The following GNG4 variants were observed in gnomAD, a reference collection of about 807,000 sequenced individuals.
GNG4 encodes the protein guanine nucleotide-binding protein G(I)/G(S)/G(O) subunit gamma-4.
GNG4 carries 4 observed loss-of-function variants against 5.8 expected under a neutral mutation model. That is an observed-to-expected ratio of 0.69 (90% CI 0.34 to 1.57). The LOEUF is 1.57. GNG4 is among the 40% of genes most tolerant of loss of function. GNG4 has a pLI of 0.06. For synonymous variants in GNG4, 29 were observed against 32.9 expected (o/e 0.88, Z 0.41); for missense variants, 96 against 95.1 (o/e 1.01, Z -0.04).
intron 3 of GNG4, among the ~76,000 whole-genome samples, chr1:235,582,267 G>A (rs1687656080): frequency 6.6e-6 from 1 of 152,106 alleles, no homozygotes; most frequent in African/African-American, 2.4e-5. Context: ...TCACCTCATG[G>A]CTGTGGCTTC....
At chr1:235,553,381 C>T (rs937357163) in intron 3 of GNG4, among the ~76,000 whole-genome samples, 2 of 152,096 alleles carry the variant, frequency 1.3e-5, no homozygotes, top group African/African-American at 4.8e-5. Flanking sequence ...TATTTATTAG[C>T]GGATTACAGG....
intron 1 of GNG4, among the ~76,000 whole-genome samples, chr1:235,596,209 T>G (rs58186840): frequency 7.5e-6 from 1 of 133,480 alleles, no homozygotes; most frequent in Non-Finnish European, 1.6e-5. Context: ...ACAAACAAAA[T>G]ACACACACAC....
chr1:235,650,043 C>G (rs1201353013), upstream of GNG4: 3 of 151,022 alleles, frequency 2.0e-5, no homozygotes, highest in Non-Finnish European at 3.0e-5. Context: ...CCCGGGAAAT[C>G]CCGCCCGCTG....
At chr1:235,598,130 C>T (rs1688168244) in intron 1 of GNG4, among the ~76,000 whole-genome samples, 1 of 152,096 alleles carries the variant, frequency 6.6e-6, no homozygotes. Context: ...CCATCGGTTC[C>T]CCAAATTTGG....
chr1:235,603,215 G>T (rs1688291543), intron 1 of GNG4, among the ~76,000 whole-genome samples: 1 of 151,736 alleles, frequency 6.6e-6, no homozygotes, highest in Non-Finnish European at 1.5e-5. Context: ...TTGCACTCCA[G>T]CCTGGACAAC....
At chr1:235,629,896 G>A (rs1688897914) in intron 1 of GNG4, among the ~76,000 whole-genome samples, 1 of 152,224 alleles carries the variant, frequency 6.6e-6, no homozygotes, top group South Asian at 2.1e-4. Context: ...CTGGCTCAAA[G>A]CTTTCTTGAG....
chr1:235,645,797 C>CAAAAAAAA (rs6143682), intron 1 of GNG4, among the ~76,000 whole-genome samples: 6 of 90,384 alleles, frequency 6.6e-5, no homozygotes, highest in African/African-American at 2.0e-4. Flanking sequence ...AACTCAGTCT[C>CAAAAAAAA]AAAAAAAAAA....
intron 3 of GNG4, among the ~76,000 whole-genome samples, chr1:235,567,225 C>T (rs921767191): frequency 1.3e-5 from 2 of 152,088 alleles, no homozygotes; most frequent in Non-Finnish European, 2.9e-5. Context: ...TGAGCCACTG[C>T]ACCCGGCATA....
chr1:235,569,601 C>T (rs1209209021), intron 3 of GNG4, among the ~76,000 whole-genome samples: 1 of 151,718 alleles, frequency 6.6e-6, no homozygotes, highest in Non-Finnish European at 1.5e-5. Context: ...ACGATCTTGG[C>T]TCACTAGATT....
At chr1:235,631,731 C>A (rs745982196) in intron 1 of GNG4, among the ~76,000 whole-genome samples, 5 of 150,976 alleles carry the variant, frequency 3.3e-5, no homozygotes, top group Admixed American at 1.3e-4. Flanking sequence ...CCACGCCCAG[C>A]CAATTTTTGT....
intron 3 of GNG4, among the ~76,000 whole-genome samples, chr1:235,575,400 G>C (rs1687453724): frequency 1.3e-5 from 2 of 152,144 alleles, no homozygotes; most frequent in Non-Finnish European, 2.9e-5. Flanking sequence ...CAGTTCTCCT[G>C]CGTTTCTTGG....
intron 1 of GNG4, among the ~76,000 whole-genome samples, chr1:235,619,678 T>C (rs1688667822): frequency 6.6e-6 from 1 of 152,216 alleles, no homozygotes; most frequent in South Asian, 2.1e-4. Context: ...TCTAACTTTT[T>C]ATATTATCTT....
At chr1:235,598,203 C>T (rs762751890) in intron 1 of GNG4, among the ~76,000 whole-genome samples, 1 of 152,220 alleles carries the variant, frequency 6.6e-6, no homozygotes. Flanking sequence ...ACCTCCATGA[C>T]CTTAGAGTTC....
intron 3 of GNG4, among the ~76,000 whole-genome samples, chr1:235,562,134 T>C (rs933238213): frequency 6.6e-6 from 1 of 152,172 alleles, no homozygotes; most frequent in Admixed American, 6.5e-5. Flanking sequence ...TGGGTCTATT[T>C]TGGGGCTCTC....
rs556518233 is a variant in GNG4 at position 235,597,573 on chromosome 1, T to A, written c.-122-2062A>T. On this transcript the variant is annotated intron_variant, in intron 1 of 3. Transcript: ENST00000391854. ...TGCTTTATGTTTTAGTTTGTTTTTT[T>A]TTTTAACTTGTTTGCTGTGTGTGTG... Among the ~76,000 whole-genome samples, 8 of 149,502 alleles carry A rather than the reference T, an allele frequency of 5.4e-5. No homozygotes were observed. The South Asian group carries it at 1.7e-3, about 32-fold the overall frequency.
At chr1:235,594,751 G>A (rs1019628129) in intron 2 of GNG4, among the ~76,000 whole-genome samples, 4 of 152,004 alleles carry the variant, frequency 2.6e-5, no homozygotes, top group South Asian at 2.1e-4. Context: ...CCCAGTTCCC[G>A]CCCGTGCCTC....
intron 3 of GNG4, chr1:235,566,183 G>C (rs1687189943): frequency 6.6e-6 from 1 of 152,266 alleles, no homozygotes; most frequent in East Asian, 1.9e-4. Flanking sequence ...AATCGTGAGT[G>C]TTCTGTCTTT....
At chr1:235,598,282 G>C (rs1004670061) in intron 1 of GNG4, among the ~76,000 whole-genome samples, 1 of 152,136 alleles carries the variant, frequency 6.6e-6, no homozygotes, top group African/African-American at 2.4e-5. Flanking sequence ...CTCAGACTTT[G>C]CTGTACATCT....
rs1686652664 is a variant in GNG4 at position 235,548,718 on chromosome 1, G to A, written c.*3391C>T. Reference sequence around the variant, plus strand: ...ATATCTAAGGCATGATGTCCCTGCTGTAGGAAGGGAGGGGAGATGCTGGAC... The same window carrying A: ...ATATCTAAGGCATGATGTCCCTGCTATAGGAAGGGAGGGGAGATGCTGGAC... On this transcript the variant is annotated 3_prime_UTR_variant, in exon 4 of 4. Transcript: ENST00000391854. The A allele has an allele frequency of 6.6e-6, 1 of 152,300 alleles. No individual in the cohort carries two copies. Among genetic ancestry groups the A allele is most frequent in the South Asian group, 2.1e-4 (1 of 4,838 alleles). 9.4% of individuals were successfully genotyped at this position (152,300 alleles called of 1,614,324 possible).
Sources: gnomAD v4.1 joint callset for allele counts (sites outside exome capture counted in the v4.1 genomes callset) on GRCh38, gnomAD v4.1.1 for gene constraint, MANE v1.5 for transcripts, NCBI Gene and HGNC (gene_info 2026-07-23, HGNC 2026-07-21) for gene names.